The following CPAP variants were observed in gnomAD, a reference collection of about 807,000 sequenced individuals.
CPAP encodes centrosome assembly and centriole elongation protein.
At chr13:24,885,015 A>G in the CPAP span, among the ~76,000 whole-genome samples, 1 of 152,222 alleles carries the variant, frequency 6.6e-6, no homozygotes, top group South Asian at 2.1e-4. Flanking sequence ...CTGACTCAGG[A>G]TCAGTATAAG....
chr13:24,903,807 C>G, the CPAP span: 7 of 1,140,122 alleles, frequency 6.1e-6, no homozygotes, highest in South Asian at 8.8e-5. Context: ...ACAGATTTCA[C>G]CTCCTTTTCA....
chr13:24,932,024 C>T, the CPAP span, among the ~76,000 whole-genome samples: 3 of 152,230 alleles, frequency 2.0e-5, no homozygotes, highest in Non-Finnish European at 2.9e-5. Context: ...CAATTCTGGG[C>T]GCCTTCTGGC....
At chr13:24,896,397 T>C in the CPAP span, among the ~76,000 whole-genome samples, 13 of 152,358 alleles carry the variant, frequency 8.5e-5, no homozygotes, top group South Asian at 2.7e-3. Context: ...CATGGTGCAG[T>C]GTGGCAGCCA....
the CPAP span, among the ~76,000 whole-genome samples, chr13:24,931,339 T>C: frequency 7.6e-6 from 1 of 132,404 alleles, no homozygotes; most frequent in Admixed American, 7.6e-5. Context: ...CATAATTTTT[T>C]GTTGAAGATT....
the CPAP span, among the ~76,000 whole-genome samples, chr13:24,890,711 C>T: frequency 6.6e-6 from 1 of 152,210 alleles, no homozygotes; most frequent in Non-Finnish European, 1.5e-5. Flanking sequence ...ACAGAGATGA[C>T]CTCTGGCTTT....
At chr13:24,903,827 G>T in the CPAP span, 3 of 1,289,842 alleles carry the variant, frequency 2.3e-6, no homozygotes, top group East Asian at 6.9e-5. Context: ...AATTATATTT[G>T]TTTGACTGAT....
the CPAP span, among the ~76,000 whole-genome samples, chr13:24,925,432 C>T: frequency 1.3e-5 from 2 of 152,070 alleles, no homozygotes; most frequent in African/African-American, 2.4e-5. Context: ...GAGACTGAAG[C>T]GGATAATTTG....
At chr13:24,908,184 AT>A in the CPAP span, 1 of 1,206,350 alleles carries the variant, frequency 8.3e-7, no homozygotes. Flanking sequence ...GTCTTAAAAC[AT>A]GAGAATTCTA....
the CPAP span, among the ~76,000 whole-genome samples, chr13:24,895,017 G>A: frequency 2.0e-5 from 3 of 152,222 alleles, no homozygotes; most frequent in South Asian, 2.1e-4. Context: ...AGCGCAGCGC[G>A]AAAGCTCAGA....
the CPAP span, among the ~76,000 whole-genome samples, chr13:24,926,268 C>T: frequency 3.9e-5 from 6 of 152,120 alleles, no homozygotes; most frequent in Non-Finnish European, 2.9e-5. Flanking sequence ...CATGGGACAA[C>T]AGTTATCAGC....
At chr13:24,889,457 A>G in the CPAP span, 1 of 1,141,796 alleles carries the variant, frequency 8.8e-7, no homozygotes, top group Non-Finnish European at 1.3e-6. Flanking sequence ...TTAATACACT[A>G]AGTGAAACTA....
chr13:24,899,460 C>T, the CPAP span: 1 of 1,613,706 alleles, frequency 6.2e-7, no homozygotes, highest in Non-Finnish European at 8.5e-7. Context: ...AAAGTTCTTG[C>T]AGCTGTAGTA....
chr13:24,901,242 A>T, the CPAP span, among the ~76,000 whole-genome samples: 2 of 152,360 alleles, frequency 1.3e-5, no homozygotes, highest in South Asian at 4.1e-4. Flanking sequence ...CACATTTGAG[A>T]AAGTTAAATA....
chr13:24,898,044 C>T, the CPAP span, among the ~76,000 whole-genome samples: 1 of 152,166 alleles, frequency 6.6e-6, no homozygotes, highest in Non-Finnish European at 1.5e-5. Context: ...TACAGGCACA[C>T]CACGACACCC....
chr13:24,882,537 C>T, the CPAP span: 3 of 152,728 alleles, frequency 2.0e-5, no homozygotes, highest in South Asian at 2.1e-4. Flanking sequence ...ACTGGCTAGT[C>T]ATCGTTCATG....
the CPAP span, among the ~76,000 whole-genome samples, chr13:24,899,064 T>C: frequency 2.8e-3 from 426 of 152,346 alleles, 6 homozygotes; most frequent in African/African-American, 9.9e-3. Flanking sequence ...TTTACAGCCA[T>C]AAATTATGAT....
chr13:24,893,182 G>A, the CPAP span, among the ~76,000 whole-genome samples: 442 of 152,290 alleles, frequency 2.9e-3, 6 homozygotes, highest in African/African-American at 0.01. Flanking sequence ...AAGGGATCCA[G>A]GGGGGAGATC....
the CPAP span, chr13:24,882,409 A>G: frequency 6.6e-6 from 1 of 152,112 alleles, no homozygotes; most frequent in Non-Finnish European, 1.5e-5. Flanking sequence ...TATTTATTAT[A>G]TAAATTTACA....
At chr13:24,914,529 T>G in the CPAP span, among the ~76,000 whole-genome samples, 3 of 152,154 alleles carry the variant, frequency 2.0e-5, no homozygotes, top group Admixed American at 6.5e-5. Context: ...GAGGACTCCC[T>G]CACCTTCCTG....
Sources: gnomAD v4.1 joint callset for allele counts (sites outside exome capture counted in the v4.1 genomes callset) on GRCh38, gnomAD v4.1.1 for gene constraint, MANE v1.5 for transcripts, NCBI Gene and HGNC (gene_info 2026-07-23, HGNC 2026-07-21) for gene names.